The following SAMD8 variants were observed in gnomAD, a reference collection of about 807,000 sequenced individuals.
SAMD8 encodes sphingomyelin synthase-related protein 1.
Under a neutral mutation model 42.0 loss-of-function variants are expected in SAMD8, and 20 were observed. That is an observed-to-expected ratio of 0.48 (90% CI 0.34 to 0.69). The LOEUF is 0.69. Ranked by LOEUF, SAMD8 falls within the 30% of genes least tolerant of loss-of-function variation. The pLI, the probability that SAMD8 is intolerant of heterozygous loss-of-function variation, is 0.01. For synonymous variants in SAMD8, 162 were observed against 173.0 expected (o/e 0.94, Z 0.50); for missense variants, 328 against 511.6 (o/e 0.64, Z 3.46).
Position 75,148,346 on chromosome 10 carries a change from C to CTTTTTTTTTTTTTTTTTTTTTT in SAMD8, c.-15-2164_-15-2143dup, listed in dbSNP as rs60024591. ...GGGAAAGAATGCAGAGCAATACCAG[C>CTTTTTTTTTTTTTTTTTTTTTT]TTTTTTTTTTTTTTTTTTTTTTTTT... On this transcript the variant is annotated intron_variant, in intron 1 of 5. Transcript: ENST00000542569. Among the ~76,000 whole-genome samples, 30 of 82,552 alleles carry CTTTTTTTTTTTTTTTTTTTTTT rather than the reference C, an allele frequency of 3.6e-4. 3 individuals carry two copies. The highest frequency in any genetic ancestry group is 1.3e-3 in the African/African-American group (20 of 15,308). 54.2% of individuals were successfully genotyped at this position (82,552 alleles called of 152,430 possible).
chr10:75,151,954 G>T (rs889156009), intron 2 of SAMD8, among the ~76,000 whole-genome samples: 202 of 152,176 alleles, frequency 1.3e-3, no homozygotes, highest in Non-Finnish European at 1.8e-3. Flanking sequence ...CTCCCAAAGG[G>T]CTGGGATTAC....
At chr10:75,134,591 C>T (rs1015017331) in intron 1 of SAMD8, among the ~76,000 whole-genome samples, 3 of 151,906 alleles carry the variant, frequency 2.0e-5, no homozygotes, top group African/African-American at 4.8e-5. Context: ...GCCAAGATCA[C>T]GCCACTGCAC....
intron 1 of SAMD8, among the ~76,000 whole-genome samples, chr10:75,141,941 T>C (rs1840026054): frequency 6.6e-6 from 1 of 152,030 alleles, no homozygotes; most frequent in Admixed American, 6.6e-5. Flanking sequence ...CTTTTTTTTT[T>C]CCTTACACTT....
chr10:75,120,852 C>G (rs1848989954), intron 1 of SAMD8, among the ~76,000 whole-genome samples: 1 of 138,402 alleles, frequency 7.2e-6, no homozygotes, highest in African/African-American at 2.7e-5. Flanking sequence ...GCAATCTCAG[C>G]TCACTGCAGC....
intron 1 of SAMD8, among the ~76,000 whole-genome samples, chr10:75,126,466 T>C (rs1330782913): frequency 1.3e-5 from 2 of 151,626 alleles, no homozygotes; most frequent in Non-Finnish European, 2.9e-5. Flanking sequence ...AAATATTTAA[T>C]AGATGAATAA....
In SAMD8 at chr10:75,176,255, C is replaced by G; in HGVS notation, c.943+39C>G. On this transcript the variant is annotated intron_variant, in intron 5 of 5. Transcript: ENST00000542569. This position sits in a 1 kb window ranked among gnomAD's most constrained non-coding sequence, Gnocchi z 4.3. ...TAGTGCTTCTATGCGTATTAGGTAA[C>G]TAGCTGCAGTGAAGGCTGTGGGAAG... is the stretch of plus-strand genomic sequence containing the variant. 1.2e-6 allele frequency: 2 copies of G among 1,614,004 alleles called. No individual in the cohort carries two copies. Among genetic ancestry groups the G allele is most frequent in the South Asian group, 2.2e-5 (2 of 91,042 alleles).
chr10:75,103,934 G>T (rs79802987), intron 1 of SAMD8: 4 of 1,317,700 alleles, frequency 3.0e-6, no homozygotes, highest in Non-Finnish European at 4.0e-6. Context: ...GGGTGTAGGC[G>T]CCAGGAGGAG....
chr10:75,150,279 ATTTT>A (rs34826271), intron 1 of SAMD8: 69 of 134,106 alleles, frequency 5.1e-4, no homozygotes, highest in Non-Finnish European at 8.5e-4. Flanking sequence ...CCAGGCTAAA[ATTTT>A]TTTTTTTTTT....
intron 4 of SAMD8, among the ~76,000 whole-genome samples, chr10:75,170,411 C>T (rs1179491372): frequency 1.3e-5 from 2 of 152,090 alleles, no homozygotes; most frequent in African/African-American, 4.8e-5. Flanking sequence ...AAATATACCC[C>T]TGAGCTGAAG....
At chr10:75,122,289 T>G (rs1410977774) in intron 1 of SAMD8, among the ~76,000 whole-genome samples, 2 of 152,142 alleles carry the variant, frequency 1.3e-5, no homozygotes, top group Non-Finnish European at 2.9e-5. Flanking sequence ...ACATTGTGCT[T>G]CTTTTAAAAT....
intron 1 of SAMD8, among the ~76,000 whole-genome samples, chr10:75,113,044 T>A (rs1401393947): frequency 2.0e-5 from 3 of 152,186 alleles, no homozygotes; most frequent in African/African-American, 7.2e-5. Context: ...ATTTTGCAGG[T>A]ATTGTGTGAA....
chr10:75,140,755 T>G (rs2134460518), intron 1 of SAMD8, among the ~76,000 whole-genome samples: 1 of 152,310 alleles, frequency 6.6e-6, no homozygotes, highest in African/African-American at 2.4e-5. Context: ...AAATCAGCTG[T>G]TTATGAAATG....
chr10:75,162,394 A>G (rs894789474), intron 2 of SAMD8, among the ~76,000 whole-genome samples: 1 of 151,866 alleles, frequency 6.6e-6, no homozygotes, highest in Non-Finnish European at 1.5e-5. Flanking sequence ...TCACGCCTGT[A>G]ATCCCAGCAC....
chr10:75,171,154 CTTTT>C (rs869229346), intron 4 of SAMD8, among the ~76,000 whole-genome samples: 78 of 108,196 alleles, frequency 7.2e-4, no homozygotes, highest in African/African-American at 2.8e-3. Flanking sequence ...TTCTTTCTTT[CTTTT>C]TCTTTTTTTT....
chr10:75,138,298 A>G (rs1839936979), intron 1 of SAMD8, among the ~76,000 whole-genome samples: 1 of 152,206 alleles, frequency 6.6e-6, no homozygotes, highest in African/African-American at 2.4e-5. Flanking sequence ...CGTAGATGGC[A>G]GTGCTCCTTT....
rs148918687 is a variant in SAMD8, at chr10:75,135,860, T to C, written c.-15-14654T>C. 6.6e-5 allele frequency among the ~76,000 whole-genome samples: 10 copies of C among 152,040 alleles called. No individual in the cohort carries two copies. The East Asian group carries it at 1.9e-3, about 29-fold the overall frequency. On this transcript the variant is annotated intron_variant, in intron 1 of 5. Coordinates refer to ENST00000542569, the MANE Select transcript of SAMD8 (RefSeq NM_001174156.2). ...AAAAAAAATCTTGTTTAGAAGGACA[T>C]TGGGGAACTGAATGAATTATTATTT...
chr10:75,174,295 A>T (rs1434693656), intron 4 of SAMD8, among the ~76,000 whole-genome samples: 1 of 152,056 alleles, frequency 6.6e-6, no homozygotes, highest in African/African-American at 2.4e-5. Flanking sequence ...AAGCCCGGCT[A>T]ATTTTTTGTA....
At chr10:75,120,492 A>G (rs925148899) in intron 1 of SAMD8, among the ~76,000 whole-genome samples, 1 of 151,858 alleles carries the variant, frequency 6.6e-6, no homozygotes, top group Non-Finnish European at 1.5e-5. Context: ...GATGGTCTCT[A>G]TCTCCTGACC....
chr10:75,171,715 G>C (rs540150618), intron 4 of SAMD8, among the ~76,000 whole-genome samples: 1 of 152,204 alleles, frequency 6.6e-6, no homozygotes, highest in African/African-American at 2.4e-5. Context: ...TAGAATTAAA[G>C]GACATGCACA....
Sources: allele counts gnomAD v4.1 joint callset (sites outside exome capture counted in the v4.1 genomes callset), GRCh38; gene constraint gnomAD v4.1.1; non-coding constraint Gnocchi (gnomAD v3.1); transcripts MANE v1.5; gene names NCBI Gene and HGNC (gene_info 2026-07-23, HGNC 2026-07-21).